The following GBE1 variants were observed in gnomAD, a reference collection of about 807,000 sequenced individuals.
The protein encoded by GBE1 is 1,4-alpha-glucan-branching enzyme.
A neutral mutation model predicts 88.8 loss-of-function variants in GBE1; 70 were observed. The ratio of observed to expected loss-of-function variants is 0.79; its 90% CI spans 0.65 to 0.96. The LOEUF (loss-of-function observed/expected upper bound fraction) is 0.96. Ranked by LOEUF, GBE1 falls within the 40% of genes least tolerant of loss-of-function variation. The pLI is 0.00. For synonymous variants in GBE1, 284 were observed against 300.1 expected (o/e 0.95, Z 0.56); for missense variants, 872 against 871.0 (o/e 1.00, Z -0.01).
At chr3:81,557,243 T>A (rs192236892) in intron 12 of GBE1, among the ~76,000 whole-genome samples, 22 of 152,198 alleles carry the variant, frequency 1.4e-4, no homozygotes, top group Admixed American at 1.4e-3. Context: ...AAAAGTGACA[T>A]TATGCATGCA....
chr3:81,756,445 CTAAG>C (rs1437780433), intron 1 of GBE1, among the ~76,000 whole-genome samples: 2 of 152,184 alleles, frequency 1.3e-5, no homozygotes, highest in African/African-American at 2.4e-5. Flanking sequence ...AAGTATTACA[CTAAG>C]TATTTACTGT....
chr3:81,539,811 G>A (rs1289919759), intron 12 of GBE1, among the ~76,000 whole-genome samples: 2 of 152,068 alleles, frequency 1.3e-5, no homozygotes, highest in South Asian at 4.1e-4. Flanking sequence ...AAGATAATGA[G>A]TTCAATTTTA....
intron 14 of GBE1, among the ~76,000 whole-genome samples, chr3:81,527,299 C>G (rs1702955570): frequency 6.6e-6 from 1 of 152,098 alleles, no homozygotes; most frequent in South Asian, 2.1e-4. Context: ...CCATTCAGGA[C>G]ATAGGCATGG....
intron 1 of GBE1, among the ~76,000 whole-genome samples, chr3:81,750,525 A>ATATATATATATGTATATATATATG (rs1559708243): frequency 1.2e-5 from 1 of 80,742 alleles, no homozygotes; most frequent in Non-Finnish European, 2.1e-5. Flanking sequence ...CAAAACATTC[A>ATATATATATATGTATATATATATG]TATATATATA....
chr3:81,691,339 C>T (rs995938832), intron 2 of GBE1, among the ~76,000 whole-genome samples: 2 of 152,078 alleles, frequency 1.3e-5, no homozygotes, highest in African/African-American at 4.8e-5. Flanking sequence ...AAAAGCTTTT[C>T]CTTTAAAAAA....
chr3:81,676,501 G>A (rs918933720), intron 2 of GBE1, among the ~76,000 whole-genome samples: 1 of 151,440 alleles, frequency 6.6e-6, no homozygotes, highest in East Asian at 1.9e-4. Context: ...GGAATCACTC[G>A]GCAATTAATA....
intron 4 of GBE1, among the ~76,000 whole-genome samples, chr3:81,649,207 C>T (rs1704810549): frequency 6.6e-6 from 1 of 152,046 alleles, no homozygotes. Context: ...CATGTAATAG[C>T]TTATGCCTTA....
intron 12 of GBE1, among the ~76,000 whole-genome samples, chr3:81,566,164 G>C (rs1703492336): frequency 6.6e-6 from 1 of 152,114 alleles, no homozygotes; most frequent in Non-Finnish European, 1.5e-5. Flanking sequence ...TACAACTTCT[G>C]TTCTAAAACA....
intron 11 of GBE1, 22 bp downstream of exon 11, chr3:81,581,143 A>G (rs1703724435): frequency 7.3e-7 from 1 of 1,364,418 alleles, no homozygotes; most frequent in Non-Finnish European, 1.0e-6. Flanking sequence ...AAATAAATGA[A>G]TTTATGCACA....
At chr3:81,721,224 T>C (rs11712470) in intron 1 of GBE1, among the ~76,000 whole-genome samples, 2 of 77,932 alleles carry the variant, frequency 2.6e-5, no homozygotes, top group East Asian at 5.6e-4. Flanking sequence ...AATAAATAAA[T>C]AAATAAATAA....
intron 2 of GBE1, among the ~76,000 whole-genome samples, chr3:81,694,908 C>A (rs1194374150): frequency 6.6e-6 from 1 of 152,130 alleles, no homozygotes; most frequent in Non-Finnish European, 1.5e-5. Context: ...ATTATAATCT[C>A]ATTTCCATGC....
At chr3:81,553,957 A>C (rs887433731) in intron 12 of GBE1, among the ~76,000 whole-genome samples, 5 of 152,164 alleles carry the variant, frequency 3.3e-5, no homozygotes, top group African/African-American at 4.8e-5. Context: ...ATAAAAATAT[A>C]AGACGAGGAT....
chr3:81,645,925 A>C (rs1180620165), intron 6 of GBE1, among the ~76,000 whole-genome samples: 2 of 152,162 alleles, frequency 1.3e-5, no homozygotes, highest in African/African-American at 4.8e-5. Context: ...ATTGCATAGA[A>C]TCCCTTGGTG....
At chr3:81,697,022 C>T (rs1015949629) in intron 2 of GBE1, among the ~76,000 whole-genome samples, 1 of 152,114 alleles carries the variant, frequency 6.6e-6, no homozygotes, top group Non-Finnish European at 1.5e-5. Context: ...TCAATCCTGA[C>T]ACAATCTACC....
chr3:81,645,111 G>C (rs753891168), intron 6 of GBE1, among the ~76,000 whole-genome samples: 5 of 152,098 alleles, frequency 3.3e-5, no homozygotes, highest in Non-Finnish European at 5.9e-5. Flanking sequence ...CATAAGATAG[G>C]TCAGAGAGAC....
intron 2 of GBE1, among the ~76,000 whole-genome samples, chr3:81,677,651 G>A (rs1705280203): frequency 6.6e-6 from 1 of 152,146 alleles, no homozygotes; most frequent in Non-Finnish European, 1.5e-5. Context: ...GGGGGTGACT[G>A]ACAGTAGTCC....
At chr3:81,653,556 C>T (rs1176683899) in intron 3 of GBE1, among the ~76,000 whole-genome samples, 1 of 151,996 alleles carries the variant, frequency 6.6e-6, no homozygotes, top group Non-Finnish European at 1.5e-5. Context: ...AAAAGCTTGC[C>T]TCATGGAAAC....
At chr3:81,696,705 G>A (rs1406674853) in intron 2 of GBE1, among the ~76,000 whole-genome samples, 1 of 152,060 alleles carries the variant, frequency 6.6e-6, no homozygotes, top group Non-Finnish European at 1.5e-5. Context: ...TAATTTTACA[G>A]ACATTAACTG....
At chr3:81,678,262 G>A (rs1705290781) in intron 2 of GBE1, among the ~76,000 whole-genome samples, 1 of 152,130 alleles carries the variant, frequency 6.6e-6, no homozygotes, top group South Asian at 2.1e-4. Context: ...TTAAAAAGGT[G>A]AAGTCAAAGT....
Sources: gnomAD v4.1 joint callset for allele counts (sites outside exome capture counted in the v4.1 genomes callset) on GRCh38, gnomAD v4.1.1 for gene constraint, MANE v1.5 for transcripts, NCBI Gene and HGNC (gene_info 2026-07-23, HGNC 2026-07-21) for gene names.